Variants in TMTC2 observed in about 807,000 individuals in gnomAD.
The protein encoded by TMTC2 is protein O-mannosyl-transferase TMTC2.
Under a neutral mutation model 82.4 loss-of-function variants are expected in TMTC2, and 43 were observed. That is an observed-to-expected ratio of 0.52 (90% CI 0.41 to 0.67). TMTC2 has a LOEUF of 0.67. TMTC2 is among the 30% of genes least tolerant of loss of function. TMTC2 has a pLI of 0.00. For synonymous variants in TMTC2, 408 were observed against 381.9 expected, an observed-to-expected ratio of 1.07 and a Z score of -0.80; for missense variants, 919 against 1,012.4, an observed-to-expected ratio of 0.91 and a Z score of 1.25.
intron 1 of TMTC2, among the ~76,000 whole-genome samples, chr12:82,811,827 T>G (rs1868407638): frequency 1.5e-5 from 2 of 132,992 alleles, no homozygotes; most frequent in African/African-American, 5.7e-5. Flanking sequence ...TTTTTTTTTT[T>G]TTTTTTCTGA....
intron 4 of TMTC2, among the ~76,000 whole-genome samples, chr12:82,961,874 G>A (rs1432533293): frequency 6.6e-6 from 1 of 151,984 alleles, no homozygotes; most frequent in Non-Finnish European, 1.5e-5. Flanking sequence ...ATCCATTCTT[G>A]GGCATAGTTA....
Position 82,786,895 on chromosome 12 carries a change from A to G in TMTC2, c.84-70115A>G, listed in dbSNP as rs988780822. Among the ~76,000 whole-genome samples, 3 of 152,184 alleles carry G rather than the reference A, an allele frequency of 2.0e-5. No homozygotes were observed. The South Asian group carries it at 6.2e-4, about 31-fold the overall frequency. Reference sequence around the variant, plus strand: ...GCTATGCTGTAGTTGATTTATGTATATGGCATTTTAAAATAAATTCCTCAT... The same window carrying G: ...GCTATGCTGTAGTTGATTTATGTATGTGGCATTTTAAAATAAATTCCTCAT... On this transcript the variant is annotated intron_variant, in intron 1 of 11. Coordinates refer to ENST00000321196, the MANE Select transcript of TMTC2 (RefSeq NM_152588.3).
At chr12:82,963,819 A>G (rs1211928065) in intron 4 of TMTC2, among the ~76,000 whole-genome samples, 1 of 84,744 alleles carries the variant, frequency 1.2e-5, no homozygotes, top group African/African-American at 6.6e-5. Context: ...ATATATATAT[A>G]TATATATATA....
At position 82,895,822 on chromosome 12, in the gene TMTC2, A is replaced by G; in HGVS notation, c.659A>G (p.Lys220Arg). ...CCTTCTCTCTTTTGGTTTCAGAGGAAGAACTTGTCGCTTTTCCTAAGCATT... is the reference window on the plus strand; with the variant it reads ...CCTTCTCTCTTTTGGTTTCAGAGGAGGAACTTGTCGCTTTTCCTAAGCATT... The part of the protein sequence containing the change: ...KQILPTIYKR[K>R]NLSLFLSISL... Residue 220 changes from lysine (K) to arginine (R), a missense_variant, in exon 3 of 12, where the codon AAG becomes AGG. By Grantham distance (26) the Lys-to-Arg change is conservative. Transcript: ENST00000321196. 1.2e-6 allele frequency: 2 copies of G among 1,601,740 alleles called. No individual in the cohort carries two copies. The highest frequency in any genetic ancestry group is 2.7e-5 in the African/African-American group (2 of 74,448).
chr12:82,770,696 A>G (rs1355323351), intron 1 of TMTC2, among the ~76,000 whole-genome samples: 1 of 152,136 alleles, frequency 6.6e-6, no homozygotes, highest in Non-Finnish European at 1.5e-5. Flanking sequence ...TGTGTTGCCC[A>G]GGCCAGACAG....
intron 11 of TMTC2, among the ~76,000 whole-genome samples, chr12:83,092,745 C>G (rs921470892): frequency 6.6e-5 from 10 of 152,152 alleles, no homozygotes; most frequent in Admixed American, 1.3e-4. Flanking sequence ...TATCATTTGT[C>G]TCTTATCAGG....
chr12:82,876,097 ATGGTGG>A (rs3068166), intron 2 of TMTC2, among the ~76,000 whole-genome samples: 46 of 113,286 alleles, frequency 4.1e-4, no homozygotes, highest in East Asian at 1.4e-3. Flanking sequence ...AGTATTCATA[ATGGTGG>A]TGGTGGTGGT....
intron 1 of TMTC2, among the ~76,000 whole-genome samples, chr12:82,706,333 A>G (rs930947534): frequency 6.6e-6 from 1 of 151,876 alleles, no homozygotes; most frequent in Non-Finnish European, 1.5e-5. Context: ...CAAAAAAAAA[A>G]AAAAAAAAAG....
At chr12:83,091,498 A>T (rs1339801850) in intron 11 of TMTC2, among the ~76,000 whole-genome samples, 1 of 152,328 alleles carries the variant, frequency 6.6e-6, no homozygotes, top group Non-Finnish European at 1.5e-5. Flanking sequence ...TCCAAAAAGC[A>T]TAGCAGTTCA....
intron 11 of TMTC2, among the ~76,000 whole-genome samples, chr12:83,127,117 A>G (rs1464135827): frequency 6.6e-6 from 1 of 152,096 alleles, no homozygotes; most frequent in Non-Finnish European, 1.5e-5. Context: ...CAGACTGCAA[A>G]CTCATTTAAG....
intron 1 of TMTC2, among the ~76,000 whole-genome samples, chr12:82,775,857 G>A (rs191386656): frequency 5.9e-5 from 9 of 152,042 alleles, no homozygotes; most frequent in Admixed American, 3.9e-4. Context: ...TTTATGCTTC[G>A]TTTGATTTTT....
At chr12:82,876,075 A>C (rs2253384) in intron 2 of TMTC2, among the ~76,000 whole-genome samples, 1 of 109,402 alleles carries the variant, frequency 9.1e-6, no homozygotes, top group Non-Finnish European at 1.7e-5. Context: ...GGTGATGATG[A>C]TGATGGTGAT....
intron 3 of TMTC2, among the ~76,000 whole-genome samples, chr12:82,906,662 C>G (rs1874329341): frequency 6.6e-6 from 1 of 152,134 alleles, no homozygotes; most frequent in Admixed American, 6.5e-5. Flanking sequence ...GCACTCCAGC[C>G]TGGGGGACAA....
intron 11 of TMTC2, among the ~76,000 whole-genome samples, chr12:83,126,707 A>G (rs1033314274): frequency 1.3e-5 from 2 of 152,106 alleles, no homozygotes; most frequent in Non-Finnish European, 1.5e-5. Context: ...GATAATTTAT[A>G]TAGTTTCTAC....
intron 1 of TMTC2, among the ~76,000 whole-genome samples, chr12:82,843,134 TG>T (rs1870434819): frequency 6.6e-6 from 1 of 151,702 alleles, no homozygotes; most frequent in East Asian, 1.9e-4. Flanking sequence ...TCTTTTTTTT[TG>T]TCTCGCAGTA....
At chr12:83,080,680 A>G (rs1329992897) in intron 11 of TMTC2, among the ~76,000 whole-genome samples, 1 of 152,186 alleles carries the variant, frequency 6.6e-6, no homozygotes, top group Non-Finnish European at 1.5e-5. Context: ...TACCAAAAGT[A>G]CAATCACCAT....
chr12:83,005,880 TCTCCC>T (rs1314576076), intron 8 of TMTC2, among the ~76,000 whole-genome samples: 1 of 152,138 alleles, frequency 6.6e-6, no homozygotes, highest in African/African-American at 2.4e-5. Context: ...AGCCCTGTTC[TCTCCC>T]AGTCCATTCA....
intron 8 of TMTC2, among the ~76,000 whole-genome samples, chr12:83,023,150 C>A (rs146305316): frequency 6.6e-6 from 1 of 152,100 alleles, no homozygotes; most frequent in South Asian, 2.1e-4. Context: ...ATTTTAATAG[C>A]GTGTCATATG....
chr12:83,065,476 C>G (rs141478057), intron 11 of TMTC2, among the ~76,000 whole-genome samples: 5 of 151,800 alleles, frequency 3.3e-5, no homozygotes, highest in African/African-American at 1.2e-4. Context: ...TTAGAGAAGT[C>G]TATTTATTAC....
Sources: gnomAD v4.1 joint callset for allele counts (sites outside exome capture counted in the v4.1 genomes callset) on GRCh38, gnomAD v4.1.1 for gene constraint, MANE v1.5 for transcripts, NCBI Gene and HGNC (gene_info 2026-07-23, HGNC 2026-07-21) for gene names.